The following ZDHHC20 variants were observed in gnomAD, a reference collection of about 807,000 sequenced individuals.
The protein encoded by ZDHHC20 is palmitoyltransferase ZDHHC20.
In ZDHHC20, 43 loss-of-function variants were observed where a neutral mutation model predicts 57.8. That is an observed-to-expected ratio of 0.74 (90% CI 0.58 to 0.96). The LOEUF is 0.96. Ranked by LOEUF, ZDHHC20 falls within the 40% of genes least tolerant of loss-of-function variation. The pLI is 0.00. For missense variants in ZDHHC20, 391 were observed against 441.1 expected (o/e 0.89, Z 1.02); for synonymous variants, 157 against 153.0 (o/e 1.03, Z -0.19).
intron 7 of ZDHHC20, among the ~76,000 whole-genome samples, chr13:21,395,480 T>C (rs1373664878): frequency 1.3e-5 from 2 of 149,476 alleles, no homozygotes; most frequent in African/African-American, 4.9e-5. Flanking sequence ...TAAACCATAT[T>C]TTCTTCTTTT....
intron 4 of ZDHHC20, among the ~76,000 whole-genome samples, chr13:21,410,853 T>G (rs1879108535): frequency 6.6e-6 from 1 of 152,146 alleles, no homozygotes; most frequent in African/African-American, 2.4e-5. Flanking sequence ...TTCAACCCCC[T>G]TTCCAGGAGA....
intron 1 of ZDHHC20, among the ~76,000 whole-genome samples, chr13:21,444,804 C>T (rs988267650): frequency 2.0e-5 from 3 of 152,020 alleles, no homozygotes; most frequent in Non-Finnish European, 4.4e-5. Context: ...GTCTTCAATC[C>T]CAGCACTCTG....
intron 11 of ZDHHC20, among the ~76,000 whole-genome samples, chr13:21,379,542 G>T (rs1286420496): frequency 4.6e-5 from 7 of 152,038 alleles, no homozygotes; most frequent in Non-Finnish European, 1.0e-4. Context: ...TCAGCCTCCG[G>T]AAGTGCTGGG....
intron 2 of ZDHHC20, among the ~76,000 whole-genome samples, chr13:21,421,461 A>G (rs193018780): frequency 6.6e-6 from 1 of 152,324 alleles, no homozygotes; most frequent in Non-Finnish European, 1.5e-5. Context: ...TTCACGCACT[A>G]TATTTCAAGT....
At chr13:21,422,806 T>C (rs1460589526) in intron 2 of ZDHHC20, among the ~76,000 whole-genome samples, 2 of 152,184 alleles carry the variant, frequency 1.3e-5, no homozygotes, top group Non-Finnish European at 2.9e-5. Flanking sequence ...TTCTTTTCCC[T>C]CTTGGCTGTG....
intron 12 of ZDHHC20, among the ~76,000 whole-genome samples, chr13:21,378,148 TCCTCCCACTTCAG>T (rs1379565971): frequency 6.6e-6 from 1 of 152,120 alleles, no homozygotes; most frequent in Admixed American, 6.6e-5. Flanking sequence ...GCTCAAGTGA[TCCTCCCACTTCAG>T]CCTCCCACGT....
chr13:21,439,892 C>T (rs892066802), intron 1 of ZDHHC20, among the ~76,000 whole-genome samples: 1 of 151,538 alleles, frequency 6.6e-6, no homozygotes, highest in African/African-American at 2.4e-5. Flanking sequence ...CATGGTGAAA[C>T]CCCATCTCTA....
intron 3 of ZDHHC20, among the ~76,000 whole-genome samples, chr13:21,417,526 G>C (rs1355070227): frequency 1.3e-5 from 2 of 152,050 alleles, no homozygotes; most frequent in Non-Finnish European, 2.9e-5. Flanking sequence ...TGCATCCTCT[G>C]CCTCCCAGGT....
At chr13:21,438,166 G>C (rs941329503) in intron 1 of ZDHHC20, among the ~76,000 whole-genome samples, 1 of 152,166 alleles carries the variant, frequency 6.6e-6, no homozygotes, top group African/African-American at 2.4e-5. Flanking sequence ...GCAGCCCATG[G>C]ATCAAGGAGT....
chr13:21,384,457 CAAAAAAAAAAA>C (rs11358320), intron 9 of ZDHHC20, among the ~76,000 whole-genome samples: 4 of 76,140 alleles, frequency 5.3e-5, no homozygotes, highest in South Asian at 5.8e-4. Flanking sequence ...ACTCTATCTC[CAAAAAAAAAAA>C]AAAAAAAAAA....
At position 21,374,480 on chromosome 13, in the gene ZDHHC20, C is replaced by T. The variant is rs571860291; in HGVS notation, c.*2216G>A. ...GAACCCCTGACCTCAGGTGATCCGC[C>T]AGCCTTGGCCTCCCAAAGTGCTGGG... On this transcript the variant is annotated 3_prime_UTR_variant, in exon 13 of 13. Coordinates refer to ENST00000400590, the MANE Select transcript of ZDHHC20 (RefSeq NM_001330059.2). 77 of 454,014 alleles carry T rather than the reference C, an allele frequency of 1.7e-4. No individual in the cohort carries two copies. The highest frequency in any genetic ancestry group is 1.1e-3 in the South Asian group (74 of 64,382). The allele number at this position is 454,014 out of a possible 1,614,324, so 28.1% of individuals were successfully genotyped here.
intron 1 of ZDHHC20, among the ~76,000 whole-genome samples, chr13:21,449,572 G>A (rs1884241766): frequency 6.6e-6 from 1 of 152,070 alleles, no homozygotes; most frequent in Non-Finnish European, 1.5e-5. Context: ...CAAGTACAAG[G>A]CCAGCCCAGA....
At position 21,459,156 on chromosome 13, in the gene ZDHHC20, G is replaced by A; in HGVS notation, c.16C>T (p.Leu6=). The A allele has an allele frequency of 1.2e-6, 2 of 1,600,878 alleles. No individual in the cohort carries two copies. The highest frequency in any genetic ancestry group is 1.7e-6 in the Non-Finnish European group (2 of 1,175,064). The stretch of plus-strand genomic sequence containing the variant: ...ACGACGCGCTGGCAGCAGCGCCACA[G>A]CGTCCAGGGCGCCATGTTCCGCTGG... MAPWT[L]WRCCQRVVGW... Residue 6 remains leucine, a synonymous_variant, in exon 1 of 13, where the codon CTG becomes TTG. Coordinates refer to ENST00000400590, the MANE Select transcript of ZDHHC20 (RefSeq NM_001330059.2).
intron 1 of ZDHHC20, among the ~76,000 whole-genome samples, chr13:21,429,755 C>G (rs1379222309): frequency 1.3e-5 from 2 of 152,156 alleles, no homozygotes; most frequent in Non-Finnish European, 2.9e-5. Context: ...AATAGTCCCA[C>G]AAGTCCCTGA....
intron 1 of ZDHHC20, among the ~76,000 whole-genome samples, chr13:21,430,208 C>T (rs776111326): frequency 9.2e-5 from 14 of 152,022 alleles, no homozygotes; most frequent in Admixed American, 2.0e-4. Context: ...TTGCAGGCCT[C>T]GTCTGACTCC....
intron 1 of ZDHHC20, among the ~76,000 whole-genome samples, chr13:21,442,218 A>T (rs990791077): frequency 6.6e-6 from 1 of 152,072 alleles, no homozygotes. Context: ...CCTAGCTTGT[A>T]TATCTATCAT....
chr13:21,378,005 G>A (rs899432303), intron 12 of ZDHHC20: 1 of 151,960 alleles, frequency 6.6e-6, no homozygotes, highest in Non-Finnish European at 1.5e-5. Flanking sequence ...TTTTCTCTGG[G>A]TCGAATTTCC....
intron 7 of ZDHHC20, among the ~76,000 whole-genome samples, chr13:21,395,486 CTTTTCTTTTCT>C (rs1876622947): frequency 7.3e-6 from 1 of 137,302 alleles, no homozygotes. Context: ...ATATTTTCTT[CTTTTCTTTTCT>C]TTTTTTTTTT....
chr13:21,440,068 G>GAAAAAAAAAA (rs376263181), intron 1 of ZDHHC20, among the ~76,000 whole-genome samples: 1 of 89,774 alleles, frequency 1.1e-5, no homozygotes, highest in African/African-American at 4.6e-5. Context: ...CTGTTTCTCA[G>GAAAAAAAAAA]AAAAAAAAAA....
Sources: gnomAD v4.1 joint callset for allele counts (sites outside exome capture counted in the v4.1 genomes callset) on GRCh38, gnomAD v4.1.1 for gene constraint, MANE v1.5 for transcripts, NCBI Gene and HGNC (gene_info 2026-07-23, HGNC 2026-07-21) for gene names.